The following HS3ST3A1 variants were observed in gnomAD, a reference collection of about 807,000 sequenced individuals.
HS3ST3A1 encodes the protein heparan sulfate-glucosamine 3-sulfotransferase 3A1, also known as heparan sulfate glucosamine 3-O-sulfotransferase 3A1.
Under a neutral mutation model 25.7 loss-of-function variants are expected in HS3ST3A1, and 19 were observed. The ratio of observed to expected loss-of-function variants is 0.74; its 90% CI spans 0.52 to 1.08. The LOEUF is 1.08. HS3ST3A1 is among the 50% of genes least tolerant of loss of function. The probability of loss-of-function intolerance (pLI) is 0.00; values close to 1 mark genes in which losing one functional copy is unlikely to be tolerated. For synonymous variants in HS3ST3A1, 226 were observed against 278.6 expected, an observed-to-expected ratio of 0.81 and a Z score of 1.88; for missense variants, 459 against 594.3, an observed-to-expected ratio of 0.77 and a Z score of 2.37.
At chr17:13,527,497 A>ATT (rs1906469120) in intron 1 of HS3ST3A1, among the ~76,000 whole-genome samples, 1 of 152,168 alleles carries the variant, frequency 6.6e-6, no homozygotes, top group Non-Finnish European at 1.5e-5. Flanking sequence ...GGGTTTGGTA[A>ATT]TTAAGGCATT....
At chr17:13,531,574 C>T (rs1442040946) in intron 1 of HS3ST3A1, among the ~76,000 whole-genome samples, 1 of 149,910 alleles carries the variant, frequency 6.7e-6, no homozygotes, top group Non-Finnish European at 1.5e-5. Flanking sequence ...TTGTTTGAAC[C>T]AAGTCTCAAA....
chr17:13,584,700 A>G (rs1908206639), intron 1 of HS3ST3A1, among the ~76,000 whole-genome samples: 3 of 152,232 alleles, frequency 2.0e-5, no homozygotes, highest in Non-Finnish European at 1.5e-5. Flanking sequence ...ATATAGGTGC[A>G]GTAACCAGGA....
intron 1 of HS3ST3A1, among the ~76,000 whole-genome samples, chr17:13,512,305 CAAAAA>C (rs67523378): frequency 1.6e-4 from 13 of 82,102 alleles, no homozygotes; most frequent in South Asian, 8.1e-4. Flanking sequence ...GACTCCGTCT[CAAAAA>C]AAAAAAAAAA....
At chr17:13,575,470 A>G (rs890416186) in intron 1 of HS3ST3A1, among the ~76,000 whole-genome samples, 13 of 152,302 alleles carry the variant, frequency 8.5e-5, no homozygotes, top group African/African-American at 3.1e-4. Context: ...CCTAGTTCCA[A>G]TCAGGGAGTT....
chr17:13,531,378 T>C (rs1906600910), intron 1 of HS3ST3A1, among the ~76,000 whole-genome samples: 1 of 152,186 alleles, frequency 6.6e-6, no homozygotes, highest in Non-Finnish European at 1.5e-5. Context: ...AAATGGCAGC[T>C]ATAATGGTGG....
chr17:13,563,086 A>G (rs1282401893), intron 1 of HS3ST3A1, among the ~76,000 whole-genome samples: 1 of 151,254 alleles, frequency 6.6e-6, no homozygotes, highest in African/African-American at 2.4e-5. Context: ...GTTATCTTGT[A>G]TGCTGCAAAT....
chr17:13,587,002 G>A (rs1437515938), intron 1 of HS3ST3A1, among the ~76,000 whole-genome samples: 1 of 148,916 alleles, frequency 6.7e-6, no homozygotes, highest in Non-Finnish European at 1.5e-5. Context: ...AGACATATTA[G>A]CTTAAGTTAA....
intron 1 of HS3ST3A1, among the ~76,000 whole-genome samples, chr17:13,575,779 T>C (rs149760513): frequency 6.6e-6 from 1 of 152,234 alleles, no homozygotes; most frequent in Admixed American, 6.5e-5. Flanking sequence ...GTATTAACTG[T>C]CGTTCCCATC....
chr17:13,513,292 G>A (rs553319402), intron 1 of HS3ST3A1, among the ~76,000 whole-genome samples: 230 of 152,340 alleles, frequency 1.5e-3, no homozygotes, highest in Non-Finnish European at 2.5e-3. Flanking sequence ...TGACGGAACA[G>A]AAATCCCTCT....
chr17:13,588,276 A>G (rs116867281), intron 1 of HS3ST3A1, among the ~76,000 whole-genome samples: 2,158 of 152,270 alleles, frequency 0.014, 23 homozygotes, highest in Non-Finnish European at 0.021. Context: ...CCAGAAAAAA[A>G]AAAAAATTGC....
intron 1 of HS3ST3A1, among the ~76,000 whole-genome samples, chr17:13,555,146 A>G (rs1476826865): frequency 6.6e-6 from 1 of 152,132 alleles, no homozygotes; most frequent in Non-Finnish European, 1.5e-5. Context: ...AAAAACACTT[A>G]TGGCTTCCTG....
chr17:13,551,278 G>C (rs1034690866), intron 1 of HS3ST3A1, among the ~76,000 whole-genome samples: 8 of 151,358 alleles, frequency 5.3e-5, no homozygotes, highest in African/African-American at 1.9e-4. Context: ...GAACCTGGGA[G>C]GCAGAGGTTG....
At chr17:13,526,799 C>T (rs532350182) in intron 1 of HS3ST3A1, among the ~76,000 whole-genome samples, 82 of 151,958 alleles carry the variant, frequency 5.4e-4, no homozygotes, top group African/African-American at 1.9e-3. Context: ...AGGCATGTGC[C>T]ACCACGCCCA....
chr17:13,569,994 C>T (rs1217940543), intron 1 of HS3ST3A1, among the ~76,000 whole-genome samples: 1 of 152,198 alleles, frequency 6.6e-6, no homozygotes, highest in Admixed American at 6.5e-5. Flanking sequence ...TCCCATTAAT[C>T]CCTCTTGGAA....
intron 1 of HS3ST3A1, among the ~76,000 whole-genome samples, chr17:13,593,233 CAA>C (rs5819419): frequency 2.7e-4 from 28 of 103,154 alleles, no homozygotes; most frequent in African/African-American, 6.0e-4. Flanking sequence ...TGTTTGTAGC[CAA>C]AAAAAAAAAA....
intron 1 of HS3ST3A1, among the ~76,000 whole-genome samples, chr17:13,502,456 T>C (rs1456296437): frequency 6.6e-6 from 1 of 152,060 alleles, no homozygotes; most frequent in Non-Finnish European, 1.5e-5. Context: ...CAACAACACA[T>C]ATGCATGGTG....
chr17:13,512,312 A>ACAAAAAC (rs1555537356), intron 1 of HS3ST3A1, among the ~76,000 whole-genome samples: 14 of 150,386 alleles, frequency 9.3e-5, no homozygotes, highest in Admixed American at 4.6e-4. Flanking sequence ...TCTCAAAAAA[A>ACAAAAAC]AAAAAAAAAA....
At chr17:13,595,846 GGTTGTTGTT>G (rs66635656) in intron 1 of HS3ST3A1, among the ~76,000 whole-genome samples, 2 of 18,756 alleles carry the variant, frequency 1.1e-4, no homozygotes, top group Non-Finnish European at 2.5e-4. Context: ...AGGCCTTTTT[GGTTGTTGTT>G]GTTGTTGTTG....
chr17:13,563,048 C>A (rs1907588732), intron 1 of HS3ST3A1, among the ~76,000 whole-genome samples: 1 of 150,598 alleles, frequency 6.6e-6, no homozygotes. Flanking sequence ...TCTTGAAGGT[C>A]CACGATAAGT....
Sources: gnomAD v4.1 joint callset for allele counts (sites outside exome capture counted in the v4.1 genomes callset) on GRCh38, gnomAD v4.1.1 for gene constraint, MANE v1.5 for transcripts, NCBI Gene and HGNC (gene_info 2026-07-23, HGNC 2026-07-21) for gene names.